Variants in PTER observed in about 807,000 individuals in gnomAD.
The protein encoded by PTER is phosphotriesterase related, also known as N-acetyltaurine hydrolase.
Under a neutral mutation model 29.6 loss-of-function variants are expected in PTER, and 38 were observed. The observed-to-expected ratio is 1.28, with a 90% CI of 0.99 to 1.68. The LOEUF (loss-of-function observed/expected upper bound fraction) is 1.68, where lower values mean the gene tolerates loss of function less well. PTER is among the 40% of genes most tolerant of loss of function. The pLI is 0.00. For missense variants in PTER, 482 were observed against 427.8 expected (o/e 1.13, Z -1.12); for synonymous variants, 172 against 154.5 (o/e 1.11, Z -0.84).
chr10:16,461,179 G>A (rs557547686), intron 1 of PTER, among the ~76,000 whole-genome samples: 219 of 152,194 alleles, frequency 1.4e-3, no homozygotes, highest in Non-Finnish European at 2.6e-3. Flanking sequence ...TAGGAAGCAG[G>A]TGATAGCAAT....
intron 1 of PTER, among the ~76,000 whole-genome samples, chr10:16,450,766 C>A (rs888238314): frequency 6.6e-6 from 1 of 152,116 alleles, no homozygotes; most frequent in Non-Finnish European, 1.5e-5. Context: ...CCTTGTCCAG[C>A]GAACTAAGTA....
chr10:16,512,396 T>C lies in PTER; in HGVS notation c.*1140T>C, dbSNP rs886611171. 2.0e-5 allele frequency: 3 copies of C among 152,164 alleles called. No homozygotes were observed. The highest frequency in any genetic ancestry group is 4.4e-5 in the Non-Finnish European group (3 of 68,014). 9.4% of individuals were successfully genotyped at this position (152,164 alleles called of 1,614,324 possible). ...TTGCTGCCAGTTCCTCTTTGATAAA[T>C]ATATAGTTAATTCGAAATAAAATCC... On this transcript the variant is annotated 3_prime_UTR_variant, in exon 5 of 5. Coordinates refer to ENST00000535784, the MANE Select transcript of PTER (RefSeq NM_001261836.2).
intron 2 of PTER, 128 bp downstream of exon 2, chr10:16,484,944 C>A: frequency 9.3e-7 from 1 of 1,075,322 alleles, no homozygotes. Context: ...AGACATCTGC[C>A]AGTTGGGGCC....
At chr10:16,488,960 G>A (rs1835800753) in intron 3 of PTER, among the ~76,000 whole-genome samples, 1 of 152,072 alleles carries the variant, frequency 6.6e-6, no homozygotes, top group Non-Finnish European at 1.5e-5. Context: ...ATGTAAGGAT[G>A]TACCTTTCAT....
Position 16,511,423 on chromosome 10 carries a change from T to C in PTER, c.*167T>C. On this transcript the variant is annotated 3_prime_UTR_variant, in exon 5 of 5. Coordinates refer to ENST00000535784, the MANE Select transcript of PTER (RefSeq NM_001261836.2). Reference sequence around the variant, plus strand: ...CTTCTCTGAGACCAGCTATTACAACTGTGCCTCTAGGGAGTTACTCAGCCT... The same window carrying C: ...CTTCTCTGAGACCAGCTATTACAACCGTGCCTCTAGGGAGTTACTCAGCCT... The C allele has an allele frequency of 1.6e-6, 1 of 643,118 alleles. No homozygotes were observed. The highest frequency in any genetic ancestry group is 2.7e-6 in the Non-Finnish European group (1 of 368,820). The allele number at this position is 643,118 out of a possible 1,614,324, so 39.8% of individuals were successfully genotyped here. A position where few individuals can be genotyped will look rare whatever the true frequency, so the allele number is the denominator to read the frequency against.
chr10:16,479,916 CAGTT>C (rs1835415281), intron 1 of PTER, among the ~76,000 whole-genome samples: 1 of 151,522 alleles, frequency 6.6e-6, no homozygotes, highest in South Asian at 2.1e-4. Context: ...GTTTTTTTGT[CAGTT>C]AGGGTTTCTT....
intron 3 of PTER, among the ~76,000 whole-genome samples, chr10:16,500,919 C>T (rs1836311816): frequency 6.6e-6 from 1 of 151,442 alleles, no homozygotes; most frequent in Non-Finnish European, 1.5e-5. Flanking sequence ...CCCCATTCCT[C>T]TTTTATTTTA....
chr10:16,489,740 C>T (rs576799174), intron 3 of PTER, among the ~76,000 whole-genome samples: 23 of 143,952 alleles, frequency 1.6e-4, no homozygotes, highest in Admixed American at 9.4e-4. Flanking sequence ...CTGTGACAAA[C>T]GCCATTCTAC....
At chr10:16,468,591 T>C (rs1834930311) in intron 1 of PTER, among the ~76,000 whole-genome samples, 1 of 152,184 alleles carries the variant, frequency 6.6e-6, no homozygotes, top group Non-Finnish European at 1.5e-5. Context: ...AAATACATAC[T>C]GTGTACCAGG....
chr10:16,506,922 A>G (rs1440465815), intron 4 of PTER, among the ~76,000 whole-genome samples: 2 of 151,982 alleles, frequency 1.3e-5, no homozygotes, highest in Non-Finnish European at 2.9e-5. Flanking sequence ...ATTGGCACCA[A>G]TGCACACGAT....
At chr10:16,458,172 C>G (rs1245642881) in intron 1 of PTER, among the ~76,000 whole-genome samples, 1 of 151,864 alleles carries the variant, frequency 6.6e-6, no homozygotes, top group East Asian at 1.9e-4. Flanking sequence ...GAAGACCTGA[C>G]TGCAAAATGG....
At chr10:16,493,331 G>A (rs1835971967) in intron 3 of PTER, among the ~76,000 whole-genome samples, 1 of 151,902 alleles carries the variant, frequency 6.6e-6, no homozygotes, top group African/African-American at 2.4e-5. Flanking sequence ...GTACAGGGGT[G>A]TTTGAGAATA....
Position 16,511,088 on chromosome 10 carries a change from G to T in PTER, c.882G>T (p.Leu294=). 1 of 1,613,970 alleles carries T rather than the reference G, an allele frequency of 6.2e-7. No individual in the cohort carries two copies. The change falls in exon 5 of 5, where the codon CTG becomes CTT. Residue 294 remains leucine (L), a synonymous_variant. Coordinates refer to ENST00000535784, the MANE Select transcript of PTER (RefSeq NM_001261836.2). The part of the protein sequence containing the change: ...LVEEGCEDRI[L]VAHDIHTKTR... The stretch of plus-strand genomic sequence containing the variant: ...AAGAGGGCTGTGAAGATCGAATTCT[G>T]GTAGCACATGACATACATACGAAAA...
intron 3 of PTER, among the ~76,000 whole-genome samples, chr10:16,488,168 T>C (rs1835771883): frequency 2.6e-5 from 4 of 152,192 alleles, no homozygotes. Context: ...TCTTGAGGAA[T>C]CTTCTGGTTG....
chr10:16,514,743 G>A, downstream of PTER: 1 of 1,532,016 alleles, frequency 6.5e-7, no homozygotes, highest in Non-Finnish European at 8.9e-7. Flanking sequence ...ATGCGTAAAT[G>A]AGAATTCTCA....
At chr10:16,488,469 G>A (rs1342199949) in intron 3 of PTER, among the ~76,000 whole-genome samples, 2 of 152,060 alleles carry the variant, frequency 1.3e-5, no homozygotes, top group East Asian at 3.8e-4. Flanking sequence ...TTTATAAAAT[G>A]TTTTAGATTC....
Position 16,456,864 on chromosome 10 carries a change from G to GGGT in PTER, c.-49+19819_-49+19820insTGG, listed in dbSNP as rs1554787523. Among the ~76,000 whole-genome samples, 39 of 146,224 alleles carry GGGT rather than the reference G, an allele frequency of 2.7e-4. No individual in the cohort carries two copies. In the East Asian group the frequency reaches 8.2e-3, roughly 31 times the overall value. ...AGGTAACTGAACCATGGGGAAGGTGGGGGGGGGTTCCGCCATGCTGTTCTC... is the reference window on the plus strand; with the variant it reads ...AGGTAACTGAACCATGGGGAAGGTGGGGTGGGGGGGTTCCGCCATGCTGTTCTC... On this transcript the variant is annotated intron_variant, in intron 1 of 4. Coordinates refer to ENST00000535784, the MANE Select transcript of PTER (RefSeq NM_001261836.2).
intron 3 of PTER, among the ~76,000 whole-genome samples, chr10:16,493,898 A>G (rs530096461): frequency 1.3e-5 from 2 of 152,332 alleles, no homozygotes; most frequent in South Asian, 4.1e-4. Context: ...AGATTATACT[A>G]TTTTGGGCAG....
chr10:16,457,298 C>A (rs867174190), intron 1 of PTER, among the ~76,000 whole-genome samples: 11 of 148,040 alleles, frequency 7.4e-5, no homozygotes, highest in South Asian at 2.2e-4. Flanking sequence ...CTGCAAGCTC[C>A]GCCTCCCGGG....
Sources: allele counts gnomAD v4.1 joint callset (sites outside exome capture counted in the v4.1 genomes callset), GRCh38; gene constraint gnomAD v4.1.1; transcripts MANE v1.5; gene names NCBI Gene and HGNC (gene_info 2026-07-23, HGNC 2026-07-21).